The following RGPD4 variants were observed in gnomAD, a reference collection of about 807,000 sequenced individuals.
RGPD4 encodes ranBP2-like and GRIP domain-containing protein 4.
Under a neutral mutation model 141.1 loss-of-function variants are expected in RGPD4, and 84 were observed. The observed-to-expected ratio is 0.60, with a 90% CI of 0.50 to 0.71. The LOEUF is 0.71. RGPD4 is among the 30% of genes least tolerant of loss of function. The pLI, the probability that RGPD4 is intolerant of heterozygous loss-of-function variation, is 0.00. For synonymous variants in RGPD4, 298 were observed against 566.8 expected (o/e 0.53, Z 6.74); for missense variants, 918 against 1,622.4 (o/e 0.57, Z 7.46).
In RGPD4 at chr2:107,872,731, C is replaced by T. The variant is rs750023697; in HGVS notation, c.4727C>T (p.Ala1576Val). Residue 1576 changes from alanine to valine, a missense_variant, in exon 20 of 23, where the codon GCA (alanine) becomes GTA (valine). Coordinates refer to ENST00000408999, the MANE Select transcript of RGPD4 (RefSeq NM_182588.3). ...TCTTTGTTTGGATTTAGTTTTAATGCATCTTTGAAAAGTAACAACAGTGAA... is the reference window on the plus strand; with the variant it reads ...TCTTTGTTTGGATTTAGTTTTAATGTATCTTTGAAAAGTAACAACAGTGAA... Reference protein sequence around the residue: ...TGSLFGFSFNASLKSNNSETS... With the variant: ...TGSLFGFSFNVSLKSNNSETS... 1.2e-6 allele frequency: 2 copies of T among 1,611,626 alleles called. No homozygotes were observed. Among genetic ancestry groups the T allele is most frequent in the South Asian group, 1.1e-5 (1 of 90,986 alleles).
intron 17 of RGPD4, among the ~76,000 whole-genome samples, chr2:107,865,399 G>C (rs1291811623): frequency 1.9e-3 from 276 of 148,440 alleles, no homozygotes; most frequent in South Asian, 6.5e-3. Context: ...TAAGTGAAAA[G>C]CTAATTTGGG....
chr2:107,847,683 G>A (rs1164781092), intron 6 of RGPD4, among the ~76,000 whole-genome samples: 2 of 58,682 alleles, frequency 3.4e-5, no homozygotes, highest in Admixed American at 2.6e-4. Flanking sequence ...AGTTTATCGG[G>A]GCATGGTGGC....
chr2:107,833,975 C>A (rs1366065579), intron 1 of RGPD4, among the ~76,000 whole-genome samples: 1 of 150,922 alleles, frequency 6.6e-6, no homozygotes, highest in African/African-American at 2.5e-5. Flanking sequence ...CCACCGCACT[C>A]CAGCCTGGTG....
chr2:107,881,909 T>C (rs1359739041), intron 21 of RGPD4, among the ~76,000 whole-genome samples: 3 of 151,810 alleles, frequency 2.0e-5, no homozygotes, highest in Non-Finnish European at 4.4e-5. Flanking sequence ...TAAGTGCCGT[T>C]CACTGTGGAC....
chr2:107,830,576 A>T (rs542964028), intron 1 of RGPD4, among the ~76,000 whole-genome samples: 2 of 152,264 alleles, frequency 1.3e-5, no homozygotes, highest in African/African-American at 4.8e-5. Context: ...CATTTACATT[A>T]GAACCTGGGG....
At chr2:107,828,232 G>C (rs1414173008) in intron 1 of RGPD4, among the ~76,000 whole-genome samples, 5 of 27,890 alleles carry the variant, frequency 1.8e-4, no homozygotes, top group Non-Finnish European at 3.9e-4. Flanking sequence ...CGGCGGCCTC[G>C]ACCTGGCCCG....
intron 21 of RGPD4, among the ~76,000 whole-genome samples, chr2:107,882,363 C>A (rs1675389948): frequency 6.6e-6 from 1 of 151,874 alleles, no homozygotes; most frequent in African/African-American, 2.4e-5. Flanking sequence ...TAGCTTAGGA[C>A]AGTGGAGTCC....
intron 9 of RGPD4, among the ~76,000 whole-genome samples, chr2:107,858,582 G>A (rs1385186280): frequency 1.3e-4 from 20 of 152,196 alleles, no homozygotes; most frequent in Non-Finnish European, 2.9e-4. Context: ...GGGACTATAG[G>A]CACGTGACAC....
At chr2:107,831,596 G>A (rs1469129374) in intron 1 of RGPD4, among the ~76,000 whole-genome samples, 1 of 13,464 alleles carries the variant, frequency 7.4e-5, no homozygotes, top group East Asian at 6.8e-4. Context: ...TTTTTTTTGA[G>A]ACGGAGTCTC....
intron 20 of RGPD4, among the ~76,000 whole-genome samples, chr2:107,876,780 A>C (rs2104508695): frequency 6.6e-6 from 1 of 152,054 alleles, no homozygotes; most frequent in Non-Finnish European, 1.5e-5. Context: ...GTATATGCCA[A>C]AGAATCAACA....
intron 22 of RGPD4, among the ~76,000 whole-genome samples, chr2:107,885,715 A>G (rs1675492125): frequency 6.6e-6 from 1 of 152,112 alleles, no homozygotes; most frequent in Non-Finnish European, 1.5e-5. Flanking sequence ...AAAAACAATG[A>G]TGGTTTAGCA....
chr2:107,845,757 A>T (rs1401346098), intron 6 of RGPD4, among the ~76,000 whole-genome samples: 1 of 151,592 alleles, frequency 6.6e-6, no homozygotes, highest in Non-Finnish European at 1.5e-5. Flanking sequence ...GTAGAGACGG[A>T]GTGTCACCTT....
intron 21 of RGPD4, among the ~76,000 whole-genome samples, 183 bp downstream of exon 21, chr2:107,880,290 G>C (rs1355382179): frequency 3.8e-5 from 3 of 78,978 alleles, no homozygotes; most frequent in Admixed American, 3.8e-4. Flanking sequence ...TTTTGAGACA[G>C]TCTTGCTTTG....
intron 1 of RGPD4, among the ~76,000 whole-genome samples, chr2:107,834,091 A>G (rs1436377668): frequency 2.0e-5 from 3 of 148,158 alleles, no homozygotes; most frequent in Admixed American, 1.3e-4. Context: ...TAAGATTGCT[A>G]TAGTTCTTTT....
At chr2:107,888,990 C>T (rs1431986457) in intron 22 of RGPD4, among the ~76,000 whole-genome samples, 70 of 135,576 alleles carry the variant, frequency 5.2e-4, no homozygotes, top group East Asian at 4.8e-3. Flanking sequence ...TAATTTGTTA[C>T]GCAGCAGATT....
At chr2:107,827,254 G>A (rs1173434514) in intron 1 of RGPD4, among the ~76,000 whole-genome samples, 169 bp downstream of exon 1, 2 of 134,260 alleles carry the variant, frequency 1.5e-5, no homozygotes, top group Non-Finnish European at 3.2e-5. Flanking sequence ...CGGCGGCCTC[G>A]ATGGCTCAGG....
In RGPD4 at chr2:107,836,684, T is replaced by C; in HGVS notation, c.140+15T>C. The C allele has an allele frequency of 6.9e-7, 1 of 1,439,600 alleles. No individual in the cohort carries two copies. Among genetic ancestry groups the C allele is most frequent in the South Asian group, 1.3e-5 (1 of 79,624 alleles). The allele number at this position is 1,439,600 out of a possible 1,614,324, so 89.2% of individuals were successfully genotyped here. A position where few individuals can be genotyped will look rare whatever the true frequency, so the allele number is the denominator to read the frequency against. On this transcript the variant is annotated intron_variant, in intron 2 of 22. Coordinates refer to ENST00000408999, the MANE Select transcript of RGPD4 (RefSeq NM_182588.3). ...CTTGCTAAAAAGTAAGTACAAACTGTAACATGTATTCTTTTTTTAAAATCA... is the reference window on the plus strand; with the variant it reads ...CTTGCTAAAAAGTAAGTACAAACTGCAACATGTATTCTTTTTTTAAAATCA...
Position 107,874,289 on chromosome 2 carries a change from G to T in RGPD4, c.4924+1361G>T, listed in dbSNP as rs985800036. Among the ~76,000 whole-genome samples the T allele has an allele frequency of 1.5e-4, 23 of 150,872 alleles. 2 individuals are homozygous for T. Among genetic ancestry groups the T allele is most frequent in the African/African-American group, 5.7e-4 (23 of 40,594 alleles). On this transcript the variant is annotated intron_variant, in intron 20 of 22. Transcript: ENST00000408999. ...TAGAAAAATGTTGTATTTGAAAATG[G>T]ACCCCGTTTTTAACAGCCAGCATTC...
intron 21 of RGPD4, among the ~76,000 whole-genome samples, chr2:107,880,318 C>T (rs1439397930): frequency 4.4e-5 from 5 of 113,012 alleles, no homozygotes; most frequent in Non-Finnish European, 8.1e-5. Flanking sequence ...GGCTGGAGTG[C>T]AGTGGCACGA....
Sources: gnomAD v4.1 joint callset for allele counts (sites outside exome capture counted in the v4.1 genomes callset) on GRCh38, gnomAD v4.1.1 for gene constraint, MANE v1.5 for transcripts, NCBI Gene and HGNC (gene_info 2026-07-23, HGNC 2026-07-21) for gene names.